The following AP4S1 variants were observed in gnomAD, a reference collection of about 807,000 sequenced individuals.
AP4S1 encodes AP-4 complex subunit sigma-1.
AP4S1 carries 23 observed loss-of-function variants against 19.8 expected under a neutral mutation model. The ratio of observed to expected loss-of-function variants is 1.16; its 90% CI spans 0.84 to 1.65. The LOEUF (loss-of-function observed/expected upper bound fraction) is 1.65. Ranked by LOEUF, AP4S1 falls within the 40% of genes most tolerant of loss-of-function variation. The pLI is 0.00. For synonymous variants in AP4S1, 46 were observed against 54.1 expected (o/e 0.85, Z 0.66); for missense variants, 166 against 172.8 (o/e 0.96, Z 0.22).
chr14:31,044,413 A>T (rs141009216), intron 1 of AP4S1, among the ~76,000 whole-genome samples: 357 of 152,168 alleles, frequency 2.3e-3, no homozygotes, highest in African/African-American at 8.0e-3. Context: ...ATAATCGTAG[A>T]TTACTGCAGC....
At chr14:31,026,184 A>T in intron 1 of AP4S1, 2 of 1,456,062 alleles carry the variant, frequency 1.4e-6, no homozygotes, top group South Asian at 1.3e-5. Context: ...AAGCTCGTCC[A>T]TTGTGTGTGG....
chr14:31,060,813 A>G (rs748703826), intron 1 of AP4S1, among the ~76,000 whole-genome samples: 1 of 152,200 alleles, frequency 6.6e-6, no homozygotes, highest in Non-Finnish European at 1.5e-5. Context: ...TGCTAGATGC[A>G]TGGGATGACA....
chr14:31,036,078 C>A (rs115530489), intron 1 of AP4S1, among the ~76,000 whole-genome samples: 155 of 151,536 alleles, frequency 1.0e-3, no homozygotes, highest in African/African-American at 3.5e-3. Context: ...TGGATAATTA[C>A]AATTATGTTA....
At chr14:31,071,185 T>C (rs1886979284) in intron 3 of AP4S1, among the ~76,000 whole-genome samples, 1 of 152,206 alleles carries the variant, frequency 6.6e-6, no homozygotes, top group African/African-American at 2.4e-5. Flanking sequence ...CTTATGGCCA[T>C]GGAATCCCTG....
chr14:31,062,548 A>G (rs548682815), intron 1 of AP4S1, among the ~76,000 whole-genome samples: 29 of 152,354 alleles, frequency 1.9e-4, no homozygotes, highest in Middle Eastern at 3.4e-3. Flanking sequence ...TTTCTGTAAA[A>G]GATTCATTAG....
chr14:31,066,580 A>G (rs1886729556), intron 2 of AP4S1, among the ~76,000 whole-genome samples: 1 of 152,198 alleles, frequency 6.6e-6, no homozygotes, highest in Non-Finnish European at 1.5e-5. Flanking sequence ...ATTTGTCTCA[A>G]TGCACCTTGG....
In AP4S1 at chr14:31,049,429, ATATATATATATATAT is replaced by A. The variant is rs1393298931; in HGVS notation, c.-71-16696_-71-16682del. 9.5e-4 allele frequency among the ~76,000 whole-genome samples: 34 copies of A among 35,892 alleles called. 1 individual carries two copies. Among genetic ancestry groups the A allele is most frequent in the African/African-American group, 2.7e-3 (25 of 9,306 alleles). 23.5% of individuals were successfully genotyped at this position (35,892 alleles called of 152,430 possible). A position where few individuals can be genotyped will look rare whatever the true frequency, so the allele number is the denominator to read the frequency against. ...ACTCGGTCTCAAAAAAAAAAAAAAA[ATATATATATATATAT>A]ATATATATATATATATATGTATATA... On this transcript the variant is annotated intron_variant, in intron 1 of 5. Transcript: ENST00000542754.
At chr14:31,027,136 A>AT (rs556778471) in intron 1 of AP4S1, 26 of 146,654 alleles carry the variant, frequency 1.8e-4, no homozygotes, top group East Asian at 9.9e-4. Flanking sequence ...GGGAGGAGCG[A>AT]TTTTTTTTTT....
intron 5 of AP4S1, chr14:31,083,701 G>T (rs1887783714): frequency 2.7e-6 from 1 of 373,910 alleles, no homozygotes; most frequent in South Asian, 2.0e-5. Context: ...GAGGAGATGG[G>T]GTCTCACTCT....
At chr14:31,031,242 C>T (rs1213087455) in intron 1 of AP4S1, among the ~76,000 whole-genome samples, 2 of 152,126 alleles carry the variant, frequency 1.3e-5, no homozygotes, top group East Asian at 1.9e-4. Context: ...ATAAATTACC[C>T]AGTCTCAGGA....
chr14:31,035,417 T>C (rs1884682891), intron 1 of AP4S1, among the ~76,000 whole-genome samples: 1 of 151,712 alleles, frequency 6.6e-6, no homozygotes, highest in African/African-American at 2.4e-5. Context: ...GGTCTTGATC[T>C]CCTGACCTTG....
intron 1 of AP4S1, among the ~76,000 whole-genome samples, chr14:31,038,609 G>A (rs1328940242): frequency 6.6e-6 from 1 of 152,182 alleles, no homozygotes; most frequent in Non-Finnish European, 1.5e-5. Flanking sequence ...AGCTTTGGGT[G>A]AGAGCACAGA....
intron 1 of AP4S1, among the ~76,000 whole-genome samples, chr14:31,052,872 A>G (rs992267868): frequency 1.3e-5 from 2 of 151,780 alleles, no homozygotes; most frequent in South Asian, 2.1e-4. Flanking sequence ...CTGTAGACTT[A>G]TCAGTACTTT....
At chr14:31,082,675 T>C (rs1392619351) in intron 5 of AP4S1, among the ~76,000 whole-genome samples, 1 of 152,016 alleles carries the variant, frequency 6.6e-6, no homozygotes, top group African/African-American at 2.4e-5. Flanking sequence ...GGCGGGTGGA[T>C]CATGAGGTCA....
intron 3 of AP4S1, among the ~76,000 whole-genome samples, chr14:31,071,983 A>G (rs1387145593): frequency 4.6e-5 from 7 of 151,202 alleles, no homozygotes; most frequent in Non-Finnish European, 1.0e-4. Context: ...GTACAGTGGC[A>G]CAATCTTGGC....
intron 1 of AP4S1, among the ~76,000 whole-genome samples, chr14:31,064,162 TA>T (rs1475501804): frequency 1.3e-5 from 2 of 152,196 alleles, no homozygotes; most frequent in African/African-American, 4.8e-5. Flanking sequence ...GAGGATGAGT[TA>T]GGGGTGTCAT....
chr14:31,090,696 T>C (rs1194349099), intron 5 of AP4S1, among the ~76,000 whole-genome samples: 1 of 152,260 alleles, frequency 6.6e-6, no homozygotes, highest in African/African-American at 2.4e-5. Flanking sequence ...GGTCCCTGCT[T>C]ACCTGGCACA....
At chr14:31,055,917 C>T (rs745863166) in intron 1 of AP4S1, among the ~76,000 whole-genome samples, 3 of 149,888 alleles carry the variant, frequency 2.0e-5, no homozygotes, top group Non-Finnish European at 4.4e-5. Context: ...GATCTCGACT[C>T]ACTGCAACCT....
chr14:31,048,290 CG>C (rs1885537505), intron 1 of AP4S1, among the ~76,000 whole-genome samples: 1 of 151,348 alleles, frequency 6.6e-6, no homozygotes, highest in Admixed American at 6.6e-5. Context: ...TTAGTAGAAA[CG>C]GGGTCCCACC....
Sources: allele counts gnomAD v4.1 joint callset (sites outside exome capture counted in the v4.1 genomes callset), GRCh38; gene constraint gnomAD v4.1.1; transcripts MANE v1.5; gene names NCBI Gene and HGNC (gene_info 2026-07-23, HGNC 2026-07-21).